Variants in CACNA2D3 observed in about 807,000 individuals in gnomAD.
The protein encoded by CACNA2D3 is calcium voltage-gated channel auxiliary subunit alpha2delta 3, also known as voltage-dependent calcium channel subunit alpha-2/delta-3.
CACNA2D3 carries 60 observed loss-of-function variants against 160.6 expected under a neutral mutation model. The observed-to-expected ratio is 0.37, with a 90% CI of 0.30 to 0.46. The LOEUF (loss-of-function observed/expected upper bound fraction) is 0.46, where lower values mean the gene tolerates loss of function less well. CACNA2D3 is among the 20% of genes least tolerant of loss of function. The probability of loss-of-function intolerance (pLI) is 1.00; values close to 1 mark genes in which losing one functional copy is unlikely to be tolerated. For missense variants in CACNA2D3, 1,205 were observed against 1,365.0 expected (o/e 0.88, Z 1.85); for synonymous variants, 558 against 492.9 (o/e 1.13, Z -1.75).
chr3:54,811,089 G>T (rs1346342750), intron 13 of CACNA2D3, among the ~76,000 whole-genome samples: 8 of 152,074 alleles, frequency 5.3e-5, no homozygotes, highest in African/African-American at 1.9e-4. Flanking sequence ...CCTCATCTAC[G>T]TGCAGACAGT....
At chr3:55,013,243 C>G (rs185652927) in intron 34 of CACNA2D3, among the ~76,000 whole-genome samples, 1 of 152,296 alleles carries the variant, frequency 6.6e-6, no homozygotes, top group Admixed American at 6.5e-5. Context: ...CCAAGCCTCT[C>G]TGAAGCACCT....
At chr3:54,931,195 C>T (rs1390423274) in intron 27 of CACNA2D3, among the ~76,000 whole-genome samples, 1 of 152,142 alleles carries the variant, frequency 6.6e-6, no homozygotes, top group Non-Finnish European at 1.5e-5. Context: ...ACACGAATGC[C>T]CAGGAAACTC....
intron 5 of CACNA2D3, among the ~76,000 whole-genome samples, chr3:54,543,594 G>A (rs13060202): frequency 0.041 from 6,316 of 152,200 alleles, 175 homozygotes; most frequent in Middle Eastern, 0.11. Context: ...GCCATGTCGC[G>A]GCTGAGGCTT....
At chr3:54,494,361 A>G (rs752894082) in intron 4 of CACNA2D3, among the ~76,000 whole-genome samples, 12 of 152,198 alleles carry the variant, frequency 7.9e-5, no homozygotes, top group Non-Finnish European at 1.5e-4. Flanking sequence ...CAGAACACAC[A>G]ATCGTCCCTG....
At chr3:54,404,989 A>C (rs138502978) in intron 4 of CACNA2D3, among the ~76,000 whole-genome samples, 187 of 132,652 alleles carry the variant, frequency 1.4e-3, no homozygotes, top group African/African-American at 5.4e-3. Flanking sequence ...GAAAACTATA[A>C]AACATTGATG....
At chr3:54,748,204 A>G (rs374396843) in intron 11 of CACNA2D3, among the ~76,000 whole-genome samples, 4 of 152,198 alleles carry the variant, frequency 2.6e-5, no homozygotes, top group South Asian at 2.1e-4. Context: ...ATTGCCCCAT[A>G]TAACTCTCCT....
chr3:54,619,356 A>G (rs570282894), intron 9 of CACNA2D3, among the ~76,000 whole-genome samples: 20 of 152,314 alleles, frequency 1.3e-4, no homozygotes, highest in African/African-American at 3.4e-4. Flanking sequence ...GTATTTCCCA[A>G]TTGTAGAGAA....
intron 34 of CACNA2D3, among the ~76,000 whole-genome samples, chr3:55,010,775 T>A (rs866018426): frequency 1.3e-5 from 2 of 152,206 alleles, no homozygotes; most frequent in East Asian, 3.8e-4. Context: ...TTCCCTCAAC[T>A]CCCTCAGGCA....
intron 31 of CACNA2D3, among the ~76,000 whole-genome samples, chr3:54,995,921 C>T (rs114490270): frequency 0.011 from 1,618 of 152,266 alleles, 27 homozygotes; most frequent in African/African-American, 0.037. Flanking sequence ...CTAGTCTTCC[C>T]TCCCCACAGC....
intron 4 of CACNA2D3, among the ~76,000 whole-genome samples, chr3:54,409,824 C>G (rs1195801718): frequency 6.6e-6 from 1 of 152,150 alleles, no homozygotes; most frequent in Non-Finnish European, 1.5e-5. Context: ...GAGAAAGCTA[C>G]CAAAGAAAAG....
intron 4 of CACNA2D3, among the ~76,000 whole-genome samples, chr3:54,423,961 G>A: frequency 6.6e-6 from 1 of 151,344 alleles, no homozygotes; most frequent in Non-Finnish European, 1.5e-5. Flanking sequence ...GCGTGATCAC[G>A]GCTCACTGCA....
intron 11 of CACNA2D3, among the ~76,000 whole-genome samples, chr3:54,664,564 A>C (rs1700029832): frequency 6.6e-6 from 1 of 152,210 alleles, no homozygotes; most frequent in South Asian, 2.1e-4. Flanking sequence ...TTATTTTATA[A>C]GTTAACTGCA....
chr3:54,928,167 C>G, intron 27 of CACNA2D3: 1 of 515,848 alleles, frequency 1.9e-6, no homozygotes, highest in Non-Finnish European at 3.4e-6. Flanking sequence ...CCTCTTCTTT[C>G]TTAAAATGTT....
At chr3:54,350,536 A>G (rs1441948016) in intron 3 of CACNA2D3, among the ~76,000 whole-genome samples, 1 of 152,182 alleles carries the variant, frequency 6.6e-6, no homozygotes, top group Non-Finnish European at 1.5e-5. Context: ...AGTGTAGGCC[A>G]TTTTAGGTTC....
At chr3:54,703,943 A>G (rs1230968408) in intron 11 of CACNA2D3, among the ~76,000 whole-genome samples, 3 of 152,230 alleles carry the variant, frequency 2.0e-5, no homozygotes, top group Non-Finnish European at 2.9e-5. Context: ...CTCTACCCCT[A>G]GTTAATCACA....
intron 17 of CACNA2D3, among the ~76,000 whole-genome samples, chr3:54,864,002 G>A (rs1015089409): frequency 8.5e-5 from 13 of 152,064 alleles, no homozygotes; most frequent in East Asian, 3.9e-4. Flanking sequence ...TTACATCTCC[G>A]AATAGAGGCT....
chr3:54,312,077 G>A (rs1234365599), intron 2 of CACNA2D3, among the ~76,000 whole-genome samples: 4 of 152,178 alleles, frequency 2.6e-5, no homozygotes, highest in African/African-American at 9.7e-5. Flanking sequence ...GGTTATTGGG[G>A]GATCTGAATT....
At chr3:55,014,734 A>G (rs1703291684) in intron 34 of CACNA2D3, among the ~76,000 whole-genome samples, 1 of 152,198 alleles carries the variant, frequency 6.6e-6, no homozygotes, top group African/African-American at 2.4e-5. Flanking sequence ...TCTGTCTCCA[A>G]CAGCAACAAC....
rs1158129618 is a variant in CACNA2D3, at chr3:54,188,290, G to C, written c.204+64696G>C. 2.0e-5 allele frequency among the ~76,000 whole-genome samples: 3 copies of C among 152,186 alleles called. No homozygotes were observed. The East Asian group carries it at 5.8e-4, about 29-fold the overall frequency. On this transcript the variant is annotated intron_variant, in intron 2 of 37. Transcript: ENST00000474759. ...AAACAAAAAAACCAGTAGCAGGAGA[G>C]GCTGTGCAGGAATTACCCTGTAGGG...
Sources: allele counts gnomAD v4.1 joint callset (sites outside exome capture counted in the v4.1 genomes callset), GRCh38; gene constraint gnomAD v4.1.1; transcripts MANE v1.5; gene names NCBI Gene and HGNC (gene_info 2026-07-23, HGNC 2026-07-21).